The following RALGPS2 variants were observed in gnomAD, a reference collection of about 807,000 sequenced individuals.
The protein encoded by RALGPS2 is ras-specific guanine nucleotide-releasing factor RalGPS2.
A neutral mutation model predicts 86.8 loss-of-function variants in RALGPS2; 43 were observed. The observed-to-expected ratio is 0.50, with a 90% CI of 0.39 to 0.64. RALGPS2 has a LOEUF of 0.64. Among genes scored for constraint, RALGPS2 ranks in the 30% least tolerant of loss-of-function variants. The pLI is 0.00. For synonymous variants in RALGPS2, 243 were observed against 231.3 expected (o/e 1.05, Z -0.46); for missense variants, 536 against 694.6 (o/e 0.77, Z 2.57).
chr1:178,747,499 C>T, intron 1 of RALGPS2: 1 of 1,609,458 alleles, frequency 6.2e-7, no homozygotes, highest in Admixed American at 1.7e-5. Flanking sequence ...ATTCTTTCTC[C>T]ATAATGCGGT....
chr1:178,745,822 CTTTTTTT>C lies in RALGPS2; in HGVS notation c.-84+20421_-84+20427del, dbSNP rs34277622. Among the ~76,000 whole-genome samples, 129 of 86,116 alleles carry C rather than the reference CTTTTTTT, an allele frequency of 1.5e-3. 1 individual carries two copies. The East Asian group carries it at 0.026, about 17-fold the overall frequency. 56.5% of individuals were successfully genotyped at this position (86,116 alleles called of 152,430 possible). ...CTATTCAAAAGAGAATTCAATTCTT[CTTTTTTT>C]TTTTTTTTTTTTTTTTTGAGATTCA... On this transcript the variant is annotated intron_variant, in intron 1 of 19. Transcript: ENST00000367635.
intron 2 of RALGPS2, among the ~76,000 whole-genome samples, chr1:178,780,634 A>C (rs1302528671): frequency 6.6e-6 from 1 of 152,166 alleles, no homozygotes; most frequent in Non-Finnish European, 1.5e-5. Context: ...TAATGAGAGA[A>C]TACTACATTT....
intron 7 of RALGPS2, among the ~76,000 whole-genome samples, chr1:178,828,177 AGAT>A (rs1420586574): frequency 6.6e-6 from 1 of 152,234 alleles, no homozygotes; most frequent in Non-Finnish European, 1.5e-5. Context: ...GAATGGGAGA[AGAT>A]ATTTGCAAAT....
At chr1:178,759,476 T>C (rs1159001005) in intron 1 of RALGPS2, among the ~76,000 whole-genome samples, 1 of 152,060 alleles carries the variant, frequency 6.6e-6, no homozygotes, top group Non-Finnish European at 1.5e-5. Context: ...TTGGTTACTG[T>C]AACTCTATAG....
intron 3 of RALGPS2, 23 bp downstream of exon 3, chr1:178,784,545 C>A: frequency 1.3e-6 from 2 of 1,522,442 alleles, no homozygotes; most frequent in East Asian, 2.3e-5. Flanking sequence ...CCTCTGTCTT[C>A]TCCGGTTTTG....
At chr1:178,752,303 C>G (rs556891940) in intron 1 of RALGPS2, among the ~76,000 whole-genome samples, 1 of 146,800 alleles carries the variant, frequency 6.8e-6, no homozygotes, top group Non-Finnish European at 1.5e-5. Context: ...ACCACCATGC[C>G]CAGCTAATTT....
intron 13 of RALGPS2, among the ~76,000 whole-genome samples, chr1:178,886,452 A>C (rs1659488399): frequency 1.3e-5 from 2 of 152,212 alleles, no homozygotes; most frequent in South Asian, 4.1e-4. Context: ...TATAATAGTT[A>C]GATGATGATG....
At chr1:178,789,874 ATGTC>A (rs1653864934) in intron 4 of RALGPS2, among the ~76,000 whole-genome samples, 1 of 152,220 alleles carries the variant, frequency 6.6e-6, no homozygotes, top group Non-Finnish European at 1.5e-5. Context: ...TATTTAGTAA[ATGTC>A]TGCCCAATGA....
At chr1:178,817,345 TAAA>T (rs142692953) in intron 6 of RALGPS2, among the ~76,000 whole-genome samples, 87,930 of 97,974 alleles carry the variant, frequency 0.9, 39,785 homozygotes, top group East Asian at 0.95. Flanking sequence ...TGTCTCAATT[TAAA>T]AAAAAAAAAA....
chr1:178,766,060 G>C (rs1460772271), intron 1 of RALGPS2, among the ~76,000 whole-genome samples: 1 of 152,198 alleles, frequency 6.6e-6, no homozygotes, highest in African/African-American at 2.4e-5. Flanking sequence ...TTAAAGTAAA[G>C]ACAGGCATAG....
intron 7 of RALGPS2, among the ~76,000 whole-genome samples, chr1:178,828,972 A>G (rs781009404): frequency 3.5e-4 from 53 of 152,170 alleles, no homozygotes; most frequent in South Asian, 1.2e-3. Flanking sequence ...CTGCACTCCT[A>G]TGTTCGTTGC....
intron 4 of RALGPS2, among the ~76,000 whole-genome samples, chr1:178,799,991 T>C (rs1654394947): frequency 6.6e-6 from 1 of 152,068 alleles, no homozygotes; most frequent in African/African-American, 2.4e-5. Context: ...ATTGTGGATA[T>C]GGCAAAAAAA....
chr1:178,856,394 ATTTTTTTT>A (rs71108081), intron 8 of RALGPS2, among the ~76,000 whole-genome samples: 9 of 36,430 alleles, frequency 2.5e-4, no homozygotes, highest in African/African-American at 4.4e-4. Flanking sequence ...TGCCTGGCTA[ATTTTTTTT>A]TTTTTTTTTT....
chr1:178,893,888 C>T (rs112670005), intron 15 of RALGPS2, 31 bp from the exon 16 acceptor site: 21,633 of 1,403,308 alleles, frequency 0.015, 418 homozygotes, highest in South Asian at 0.066. Context: ...TAGACAAAAG[C>T]TCTTATGTGT....
At chr1:178,781,214 G>A (rs1018897720) in intron 2 of RALGPS2, among the ~76,000 whole-genome samples, 12 of 152,024 alleles carry the variant, frequency 7.9e-5, no homozygotes, top group Non-Finnish European at 1.5e-4. Flanking sequence ...AAGTAAGAGT[G>A]AAAAAAGTCT....
intron 18 of RALGPS2, among the ~76,000 whole-genome samples, chr1:178,905,087 A>G (rs374194236): frequency 5.3e-5 from 8 of 152,034 alleles, no homozygotes; most frequent in African/African-American, 1.9e-4. Flanking sequence ...GTATATTCCT[A>G]AGTGGTTTTT....
chr1:178,832,474 G>T (rs1312832848), intron 7 of RALGPS2, among the ~76,000 whole-genome samples: 1 of 152,056 alleles, frequency 6.6e-6, no homozygotes, highest in East Asian at 1.9e-4. Context: ...GAGTGAGTGG[G>T]TAACAGAGAG....
At position 178,829,123 on chromosome 1, in the gene RALGPS2, C is replaced by A. The variant is rs1655895893; in HGVS notation, c.481-4301C>A. 4.6e-5 allele frequency among the ~76,000 whole-genome samples: 7 copies of A among 152,314 alleles called. No homozygotes were observed. The South Asian group carries it at 1.0e-3, about 23-fold the overall frequency. On this transcript the variant is annotated intron_variant, in intron 7 of 19. Coordinates refer to ENST00000367635, the MANE Select transcript of RALGPS2 (RefSeq NM_152663.5). ...CAACAGCATGGATGAATTTGGAGAT[C>A]ATTATCCTCAGTGAAATAAGCTAGA... is the stretch of plus-strand genomic sequence containing the variant.
chr1:178,862,518 G>A (rs1458423462), intron 8 of RALGPS2, among the ~76,000 whole-genome samples: 2 of 152,164 alleles, frequency 1.3e-5, no homozygotes, highest in African/African-American at 4.8e-5. Context: ...ACAGAGAGTA[G>A]AGGTATTCAT....
Sources: gnomAD v4.1 joint callset for allele counts (sites outside exome capture counted in the v4.1 genomes callset) on GRCh38, gnomAD v4.1.1 for gene constraint, MANE v1.5 for transcripts, NCBI Gene and HGNC (gene_info 2026-07-23, HGNC 2026-07-21) for gene names.